The following DDC variants were observed in gnomAD, a reference collection of about 807,000 sequenced individuals.
DDC encodes dopa decarboxylase.
DDC carries 43 observed loss-of-function variants against 60.0 expected under a neutral mutation model. The observed-to-expected ratio is 0.72, with a 90% CI of 0.56 to 0.92. The LOEUF is 0.92. DDC is among the 40% of genes least tolerant of loss of function. DDC has a pLI of 0.00. For missense variants in DDC, 573 were observed against 620.2 expected (o/e 0.92, Z 0.81); for synonymous variants, 232 against 234.6 (o/e 0.99, Z 0.10).
chr7:50,484,372 A>C (rs1335773213), intron 9 of DDC, among the ~76,000 whole-genome samples: 1 of 152,108 alleles, frequency 6.6e-6, no homozygotes, highest in Non-Finnish European at 1.5e-5. Flanking sequence ...TACTTAGCTT[A>C]TGATTTTCTG....
chr7:50,534,697 T>A (rs547346537), intron 4 of DDC, among the ~76,000 whole-genome samples: 1 of 151,908 alleles, frequency 6.6e-6, no homozygotes, highest in Non-Finnish European at 1.5e-5. Flanking sequence ...AAAAAGTAAG[T>A]CGGCCACCAA....
In DDC at chr7:50,499,223, C is replaced by T. The variant is rs1306265578; in HGVS notation, c.801G>A (p.Trp267Ter). The T allele has an allele frequency of 2.5e-6, 4 of 1,613,512 alleles. No homozygotes were observed. The highest frequency in any genetic ancestry group is 1.7e-5 in the Admixed American group (1 of 60,020). ...CTGCGTAGGCTGCATCAACGTGCAGCCATATGTCTTCCTTGTTGCCTAAAG... is the reference window on the plus strand; with the variant it reads ...CTGCGTAGGCTGCATCAACGTGCAGTCATATGTCTTCCTTGTTGCCTAAAG... The part of the protein sequence containing the change: ...VGPICNKEDI[W>*]LHVDAAYAGS... Residue 267 changes from tryptophan to a stop codon, truncating the protein, a stop_gained, in exon 8 of 15, where the codon TGG becomes TGA. Transcript: ENST00000444124. LOFTEE classifies it high-confidence loss of function.
chr7:50,503,646 A>G (rs141232271), intron 7 of DDC, among the ~76,000 whole-genome samples: 13 of 152,374 alleles, frequency 8.5e-5, no homozygotes, highest in African/African-American at 3.1e-4. Context: ...TATCAGGTGT[A>G]TGCACGACCC....
chr7:50,483,289 G>A (rs553672192), intron 9 of DDC, among the ~76,000 whole-genome samples: 1 of 152,206 alleles, frequency 6.6e-6, no homozygotes, highest in East Asian at 1.9e-4. Flanking sequence ...TGTTAACATG[G>A]TGACTAGCAC....
intron 8 of DDC, among the ~76,000 whole-genome samples, chr7:50,496,066 TCTC>T: frequency 1.3e-5 from 2 of 152,090 alleles, no homozygotes; most frequent in Middle Eastern, 3.4e-3. Flanking sequence ...TATCAACAAT[TCTC>T]CTCATTTACC....
At chr7:50,527,902 A>T (rs1389550930) in intron 6 of DDC, 1 of 443,904 alleles carries the variant, frequency 2.3e-6, no homozygotes, top group East Asian at 4.5e-5. Flanking sequence ...TTTCTCAAAG[A>T]TTAATTTTTT....
In DDC at chr7:50,463,269, C is replaced by T. The variant is rs1361553663; in HGVS notation, c.1405G>A (p.Glu469Lys). 1 of 1,614,180 alleles carries T rather than the reference C, an allele frequency of 6.2e-7. No homozygotes were observed. The highest frequency in any genetic ancestry group is 8.5e-7 in the Non-Finnish European group (1 of 1,180,006). The change falls in exon 14 of 15, where the codon GAG becomes AAG. Residue 469 changes from glutamate to lysine, a missense_variant. By Grantham distance (56) the Glu-to-Lys change is moderately conservative (BLOSUM62 1). Transcript: ENST00000444124. ...GCTCGCAGCACGTCGGCCGCCAGCTCTTTGATGTGTTCCCAGGCCCGCTGC... is the reference window on the plus strand; with the variant it reads ...GCTCGCAGCACGTCGGCCGCCAGCTTTTTGATGTGTTCCCAGGCCCGCTGC... ...HVQRAWEHIK[E>K]LAADVLRAER...
intron 3 of DDC, among the ~76,000 whole-genome samples, chr7:50,539,505 C>T (rs2153548982): frequency 6.6e-6 from 1 of 152,212 alleles, no homozygotes. Context: ...GGAGCCTCTC[C>T]CCAGGCAGCA....
chr7:50,478,391 C>A (rs1031956110), intron 10 of DDC, among the ~76,000 whole-genome samples: 20 of 152,164 alleles, frequency 1.3e-4, no homozygotes, highest in Admixed American at 5.9e-4. Context: ...AGTTCTTCAA[C>A]AGATGAGCCA....
At chr7:50,518,884 T>C (rs1375092783) in intron 6 of DDC, among the ~76,000 whole-genome samples, 8 of 152,258 alleles carry the variant, frequency 5.3e-5, no homozygotes, top group African/African-American at 1.9e-4. Context: ...CAGAGATAAA[T>C]GGCTGGGACC....
intron 1 of DDC, among the ~76,000 whole-genome samples, chr7:50,546,986 G>GACAAA (rs2044827232): frequency 6.6e-6 from 1 of 152,082 alleles, no homozygotes; most frequent in Non-Finnish European, 1.5e-5. Flanking sequence ...AATTCCTTGG[G>GACAAA]GCCTGCAGGC....
chr7:50,562,813 A>G (rs1006764524), intron 1 of DDC, among the ~76,000 whole-genome samples: 1 of 152,230 alleles, frequency 6.6e-6, no homozygotes, highest in African/African-American at 2.4e-5. Context: ...TTATGTATAA[A>G]TAGTATTTAA....
intron 4 of DDC, among the ~76,000 whole-genome samples, chr7:50,530,048 G>C (rs11575330): frequency 6.6e-6 from 1 of 152,028 alleles, no homozygotes; most frequent in Non-Finnish European, 1.5e-5. Flanking sequence ...CTTGAGCCCC[G>C]GAGTTCGAGA....
intron 4 of DDC, among the ~76,000 whole-genome samples, chr7:50,529,626 C>T (rs2044140954): frequency 1.3e-5 from 2 of 152,202 alleles, no homozygotes; most frequent in Non-Finnish European, 2.9e-5. Context: ...AGAGCTTCTC[C>T]TCATGGACTG....
At chr7:50,556,373 G>A (rs548225269) in intron 1 of DDC, among the ~76,000 whole-genome samples, 1 of 152,096 alleles carries the variant, frequency 6.6e-6, no homozygotes, top group South Asian at 2.1e-4. Context: ...GTCTCTCTAG[G>A]GTCTCTTTTA....
intron 11 of DDC, among the ~76,000 whole-genome samples, chr7:50,472,469 T>C (rs904611411): frequency 6.6e-6 from 1 of 152,182 alleles, no homozygotes; most frequent in Non-Finnish European, 1.5e-5. Context: ...TTTTGTCCCA[T>C]TTTTGATAAG....
intron 6 of DDC, among the ~76,000 whole-genome samples, chr7:50,525,443 A>C (rs1294615063): frequency 6.6e-6 from 1 of 152,152 alleles, no homozygotes; most frequent in Non-Finnish European, 1.5e-5. Flanking sequence ...TAACTTTGTA[A>C]TTTTCTATGA....
intron 7 of DDC, among the ~76,000 whole-genome samples, chr7:50,499,637 C>T (rs1019273223): frequency 1.3e-5 from 2 of 152,184 alleles, no homozygotes; most frequent in Non-Finnish European, 1.5e-5. Context: ...AGTCCTCCCC[C>T]AAACATCATC....
At chr7:50,503,054 C>T (rs1250551204) in intron 7 of DDC, among the ~76,000 whole-genome samples, 4 of 152,222 alleles carry the variant, frequency 2.6e-5, no homozygotes, top group Non-Finnish European at 5.9e-5. Context: ...GTCCACTCCT[C>T]TGAGTATGGA....
Sources: gnomAD v4.1 joint callset for allele counts (sites outside exome capture counted in the v4.1 genomes callset) on GRCh38, gnomAD v4.1.1 for gene constraint, MANE v1.5 for transcripts, NCBI Gene and HGNC (gene_info 2026-07-23, HGNC 2026-07-21) for gene names.